The following PLD1 variants were observed in gnomAD, a reference collection of about 807,000 sequenced individuals.
PLD1 encodes phospholipase D1, also known as choline phosphatase 1.
Under a neutral mutation model 137.1 loss-of-function variants are expected in PLD1, and 112 were observed. The observed-to-expected ratio is 0.82, with a 90% CI of 0.70 to 0.96. The LOEUF (loss-of-function observed/expected upper bound fraction) is 0.96, where lower values mean the gene tolerates loss of function less well. Ranked by LOEUF, PLD1 falls within the 40% of genes least tolerant of loss-of-function variation. The pLI, the probability that PLD1 is intolerant of heterozygous loss-of-function variation, is 0.00. For synonymous variants in PLD1, 431 were observed against 454.7 expected, an observed-to-expected ratio of 0.95 and a Z score of 0.66; for missense variants, 1,321 against 1,342.0, an observed-to-expected ratio of 0.98 and a Z score of 0.24.
At chr3:171,801,469 C>T (rs1723643203) in intron 1 of PLD1, among the ~76,000 whole-genome samples, 1 of 152,250 alleles carries the variant, frequency 6.6e-6, no homozygotes, top group Non-Finnish European at 1.5e-5. Context: ...CGCTCTGTCA[C>T]CCAGGCTGGA....
chr3:171,672,530 C>T (rs1441633788), intron 19 of PLD1, among the ~76,000 whole-genome samples: 7 of 151,326 alleles, frequency 4.6e-5, no homozygotes, highest in African/African-American at 1.5e-4. Flanking sequence ...CTCTGTTGCC[C>T]AGGCTGGAAT....
intron 1 of PLD1, among the ~76,000 whole-genome samples, chr3:171,746,526 C>G (rs1433112710): frequency 6.6e-6 from 1 of 152,194 alleles, no homozygotes; most frequent in Non-Finnish European, 1.5e-5. Context: ...ACAATCAGCA[C>G]TCTGTGTCTA....
chr3:171,657,564 T>C (rs542287150), intron 21 of PLD1, among the ~76,000 whole-genome samples: 7 of 152,196 alleles, frequency 4.6e-5, no homozygotes, highest in South Asian at 4.1e-4. Flanking sequence ...TTTTAACAAA[T>C]GGTGCTAGGG....
intron 1 of PLD1, among the ~76,000 whole-genome samples, chr3:171,746,226 C>T (rs777276533): frequency 2.6e-5 from 4 of 152,250 alleles, no homozygotes; most frequent in Non-Finnish European, 5.9e-5. Flanking sequence ...TCCACAGCAC[C>T]TGGTACCATT....
At chr3:171,700,846 T>C (rs1716182418) in intron 11 of PLD1, among the ~76,000 whole-genome samples, 1 of 152,202 alleles carries the variant, frequency 6.6e-6, no homozygotes, top group Non-Finnish European at 1.5e-5. Context: ...GAGTCATTTT[T>C]CCCCTGGGGC....
intron 24 of PLD1, among the ~76,000 whole-genome samples, 155 bp downstream of exon 24, chr3:171,620,231 T>C (rs1343533335): frequency 6.6e-6 from 1 of 152,188 alleles, no homozygotes; most frequent in Non-Finnish European, 1.5e-5. Context: ...TTAGAAAGGA[T>C]GTAAGAGAAG....
At chr3:171,756,705 G>T (rs975613214) in intron 1 of PLD1, among the ~76,000 whole-genome samples, 4 of 152,188 alleles carry the variant, frequency 2.6e-5, no homozygotes, top group Non-Finnish European at 5.9e-5. Flanking sequence ...GTTAGTAGCT[G>T]TTAAAAAGTC....
chr3:171,714,180 AT>A (rs35255380), intron 8 of PLD1, 135 bp from the exon 9 acceptor site: 37 of 564,808 alleles, frequency 6.6e-5, no homozygotes, highest in Admixed American at 7.0e-5. Context: ...CAGGAGATTT[AT>A]TTTTTTTAAT....
chr3:171,680,290 G>A (rs1487392523), intron 16 of PLD1, among the ~76,000 whole-genome samples: 4 of 118,490 alleles, frequency 3.4e-5, no homozygotes, highest in Admixed American at 3.3e-4. Context: ...GCAGTGGCAC[G>A]ATCTCGGCTC....
intron 8 of PLD1, among the ~76,000 whole-genome samples, chr3:171,724,484 G>A (rs1210626946): frequency 1.3e-5 from 2 of 152,152 alleles, no homozygotes; most frequent in Non-Finnish European, 2.9e-5. Context: ...TTGTCCTTGG[G>A]TTTTCATGAA....
chr3:171,810,340 G>T (rs1291945345), intron 1 of PLD1, 59 bp downstream of exon 1: 1 of 152,184 alleles, frequency 6.6e-6, no homozygotes, highest in Non-Finnish European at 1.5e-5. Flanking sequence ...GAGGGCGAGG[G>T]CAGTGGAAAC....
At chr3:171,665,366 C>T (rs1392081310) in intron 19 of PLD1, among the ~76,000 whole-genome samples, 1 of 152,118 alleles carries the variant, frequency 6.6e-6, no homozygotes, top group South Asian at 2.1e-4. Flanking sequence ...TATCTGTAGG[C>T]ATTTAAGTAT....
intron 1 of PLD1, chr3:171,809,546 A>G (rs1724026970): frequency 6.6e-6 from 1 of 152,250 alleles, no homozygotes; most frequent in South Asian, 2.1e-4. Flanking sequence ...CAGACTTAGT[A>G]ATGGTCAAAC....
chr3:171,690,521 C>A (rs1715045535), intron 13 of PLD1, among the ~76,000 whole-genome samples: 1 of 152,034 alleles, frequency 6.6e-6, no homozygotes, highest in African/African-American at 2.4e-5. Context: ...TTCTCTGTGT[C>A]CCATAATTTT....
At chr3:171,779,264 A>G (rs1054767020) in intron 1 of PLD1, among the ~76,000 whole-genome samples, 1 of 152,190 alleles carries the variant, frequency 6.6e-6, no homozygotes, top group Non-Finnish European at 1.5e-5. Context: ...AGAATATTGC[A>G]GTAGTCCAGG....
At position 171,759,665 on chromosome 3, in the gene PLD1, C is replaced by T. The variant is rs187031082; in HGVS notation, c.-31-21583G>A. On this transcript the variant is annotated intron_variant, in intron 1 of 26. Coordinates refer to ENST00000351298, the MANE Select transcript of PLD1 (RefSeq NM_002662.5). ...TCCTGAAAATTAAAGATATTTTACA[C>T]GTTTGTGTATGTACGTGGCTTTGTG... Among the ~76,000 whole-genome samples, 14 of 152,312 alleles carry T rather than the reference C, an allele frequency of 9.2e-5. No homozygotes were observed. The East Asian group carries it at 1.7e-3, about 19-fold the overall frequency.
chr3:171,679,533 TTTCAA>T (rs1713739062), intron 16 of PLD1, among the ~76,000 whole-genome samples: 1 of 152,202 alleles, frequency 6.6e-6, no homozygotes, highest in African/African-American at 2.4e-5. Flanking sequence ...ATATTTCAAA[TTTCAA>T]ATATAAAATA....
rs376830971 is a variant in PLD1 at position 171,720,189 on chromosome 3, G to C, written c.758+4507C>G. 5.3e-4 allele frequency among the ~76,000 whole-genome samples: 80 copies of C among 151,610 alleles called. 1 individual carries two copies. In the East Asian group the frequency reaches 0.014, roughly 26 times the overall value. On this transcript the variant is annotated intron_variant, in intron 8 of 26. Coordinates refer to ENST00000351298, the MANE Select transcript of PLD1 (RefSeq NM_002662.5). Reference sequence around the variant, plus strand: ...ATGCACCTGTATCCCTGCTATCTAGGGGGCTGAGGTGGGAGGATCGCTTGA... The same window carrying C: ...ATGCACCTGTATCCCTGCTATCTAGCGGGCTGAGGTGGGAGGATCGCTTGA...
At chr3:171,758,868 A>C (rs1231793978) in intron 1 of PLD1, among the ~76,000 whole-genome samples, 1 of 152,322 alleles carries the variant, frequency 6.6e-6, no homozygotes, top group South Asian at 2.1e-4. Flanking sequence ...TAGGGAGTGT[A>C]TCTATCATTC....
Sources: gnomAD v4.1 joint callset for allele counts (sites outside exome capture counted in the v4.1 genomes callset) on GRCh38, gnomAD v4.1.1 for gene constraint, MANE v1.5 for transcripts, NCBI Gene and HGNC (gene_info 2026-07-23, HGNC 2026-07-21) for gene names.